Variants in DYNC2H1 observed in about 807,000 individuals in gnomAD.
The protein encoded by DYNC2H1 is cytoplasmic dynein 2 heavy chain 1.
Under a neutral mutation model 570.0 loss-of-function variants are expected in DYNC2H1, and 410 were observed. That is an observed-to-expected ratio of 0.72 (90% CI 0.66 to 0.78). DYNC2H1 has a LOEUF of 0.78. Ranked by LOEUF, DYNC2H1 falls within the 30% of genes least tolerant of loss-of-function variation. The probability of loss-of-function intolerance (pLI) is 0.00; values close to 1 mark genes in which losing one functional copy is unlikely to be tolerated. For missense variants in DYNC2H1, 4,865 were observed against 5,046.4 expected (o/e 0.96, Z 1.09); for synonymous variants, 1,688 against 1,677.6 (o/e 1.01, Z -0.15).
Position 103,153,516 on chromosome 11 carries a change from T to C in DYNC2H1, c.3302+8T>C, listed in dbSNP as rs1323313336. On this transcript the variant is annotated splice_region_variant and intron_variant, in intron 22 of 88. Coordinates refer to ENST00000375735, the MANE Select transcript of DYNC2H1 (RefSeq NM_001377.3). Reference sequence around the variant, plus strand: ...CACAAGAAAAAAGCTGGTGTATGTTTTTTCTTTAAAATTGATAGTGCTTAT... The same window carrying C: ...CACAAGAAAAAAGCTGGTGTATGTTCTTTCTTTAAAATTGATAGTGCTTAT... The C allele has an allele frequency of 6.5e-7, 1 of 1,547,608 alleles. No individual in the cohort carries two copies. The highest frequency in any genetic ancestry group is 8.7e-7 in the Non-Finnish European group (1 of 1,150,034).
chr11:103,261,064 T>C lies in DYNC2H1; in HGVS notation c.10695+1087T>C, dbSNP rs942296372. Reference sequence around the variant, plus strand: ...GCTTCTTAGAAAGTGTTGAAAAATATACAGTTAATGTATTTTTAGAACAGG... The same window carrying C: ...GCTTCTTAGAAAGTGTTGAAAAATACACAGTTAATGTATTTTTAGAACAGG... On this transcript the variant is annotated intron_variant, in intron 70 of 88. Transcript: ENST00000375735. The surrounding 1 kb of genome is among the most constrained non-coding windows in gnomAD (Gnocchi z 4.8). Among the ~76,000 whole-genome samples, 2 of 152,182 alleles carry C rather than the reference T, an allele frequency of 1.3e-5. No homozygotes were observed. The highest frequency in any genetic ancestry group is 2.4e-5 in the African/African-American group (1 of 41,428).
chr11:103,277,257 C>T lies in DYNC2H1; in HGVS notation c.10696-3091C>T, dbSNP rs760345490. 3.9e-5 allele frequency among the ~76,000 whole-genome samples: 6 copies of T among 151,976 alleles called. No individual in the cohort carries two copies. Among genetic ancestry groups the T allele is most frequent in the African/African-American group, 1.4e-4 (6 of 41,402 alleles). On this transcript the variant is annotated intron_variant, in intron 70 of 88. Coordinates refer to ENST00000375735, the MANE Select transcript of DYNC2H1 (RefSeq NM_001377.3). The surrounding 1 kb of genome is among the most constrained non-coding windows in gnomAD (Gnocchi z 4.3). Reference sequence around the variant, plus strand: ...TACAAAGTGTGTGTTCAAATTTTATCATGTATGGCTTTTTGTATTCAATTT... The same window carrying T: ...TACAAAGTGTGTGTTCAAATTTTATTATGTATGGCTTTTTGTATTCAATTT...
intron 83 of DYNC2H1, among the ~76,000 whole-genome samples, chr11:103,391,761 G>C (rs529552009): frequency 6.6e-6 from 1 of 152,178 alleles, no homozygotes; most frequent in East Asian, 1.9e-4. Flanking sequence ...CTGGAGGTCC[G>C]CTCCAGACCC....
At chr11:103,313,890 G>A (rs1320055335) in intron 79 of DYNC2H1, among the ~76,000 whole-genome samples, 1 of 152,078 alleles carries the variant, frequency 6.6e-6, no homozygotes, top group African/African-American at 2.4e-5. Flanking sequence ...CTTGCTCAAA[G>A]AATCACACCT....
At chr11:103,231,074 A>C (rs1056536080) in intron 59 of DYNC2H1, among the ~76,000 whole-genome samples, 186 bp from the exon 60 acceptor site, 28 of 152,176 alleles carry the variant, frequency 1.8e-4, no homozygotes, top group Admixed American at 2.6e-4. Context: ...GAAGTGGTAT[A>C]GTTGGGTCAG....
At chr11:103,410,721 C>T (rs1322567060) in intron 84 of DYNC2H1, among the ~76,000 whole-genome samples, 46 of 152,106 alleles carry the variant, frequency 3.0e-4, no homozygotes, top group Non-Finnish European at 1.0e-4. Context: ...TTTTTTACAA[C>T]TTAAATGGAG....
intron 75 of DYNC2H1, among the ~76,000 whole-genome samples, chr11:103,295,361 T>C (rs1308164235): frequency 6.6e-6 from 1 of 152,148 alleles, no homozygotes; most frequent in African/African-American, 2.4e-5. Flanking sequence ...TGACTTATCC[T>C]AGAAGCAGCA....
chr11:103,192,936 G>A (rs1302602692), intron 47 of DYNC2H1, among the ~76,000 whole-genome samples: 1 of 152,092 alleles, frequency 6.6e-6, no homozygotes, highest in Non-Finnish European at 1.5e-5. Context: ...ATAAAGCTAG[G>A]CTTCAAAAAT....
rs1034770075 is a variant in DYNC2H1 at position 103,189,459 on chromosome 11, T to A, written c.7293-213T>A. 6.6e-6 allele frequency among the ~76,000 whole-genome samples: 1 copy of A among 152,138 alleles called. No individual in the cohort carries two copies. The highest frequency in any genetic ancestry group is 6.6e-5 in the Admixed American group (1 of 15,246). ...TTTCTTGGGGTTCTCTAACACCTTC[T>A]GGTATTTGACAATAGATATTTCGGG... On this transcript the variant is annotated intron_variant, in intron 44 of 88. Transcript: ENST00000375735. This position sits in a 1 kb window ranked among gnomAD's most constrained non-coding sequence, Gnocchi z 4.3.
At chr11:103,463,445 A>G (rs1945089256) in intron 87 of DYNC2H1, among the ~76,000 whole-genome samples, 1 of 152,186 alleles carries the variant, frequency 6.6e-6, no homozygotes, top group South Asian at 2.1e-4. Flanking sequence ...CCCAATAAAA[A>G]GAGACTGAAT....
Position 103,122,826 on chromosome 11 carries a change from T to A in DYNC2H1, c.1487T>A (p.Val496Glu). The change falls in exon 11 of 89, where the codon GTA becomes GAA. Residue 496 changes from valine to glutamate, a missense_variant and splice_region_variant. Val to Glu is a moderately radical substitution (Grantham distance 121). This residue lies in a region of DYNC2H1 where 1,936 missense variants were observed against 1,962.1 expected (regional missense o/e 0.99). Coordinates refer to ENST00000375735, the MANE Select transcript of DYNC2H1 (RefSeq NM_001377.3). ...ATGTCTGTAATTTGGCTTTTTAAGG[T>A]AGATGATACTATCAAGATTGCAGAG... Reference protein sequence around the residue: ...IVWVRQLELKVDDTIKIAEAL... With the variant: ...IVWVRQLELKEDDTIKIAEAL... The A allele has an allele frequency of 6.2e-7, 1 of 1,611,520 alleles. No homozygotes were observed. Among genetic ancestry groups the A allele is most frequent in the Non-Finnish European group, 8.5e-7 (1 of 1,178,692 alleles).
intron 1 of DYNC2H1, among the ~76,000 whole-genome samples, chr11:103,112,775 G>GA (rs1858175575): frequency 6.6e-6 from 1 of 152,040 alleles, no homozygotes; most frequent in African/African-American, 2.4e-5. Flanking sequence ...TTCTTTTCCT[G>GA]AAAAAAGAAA....
Position 103,239,396 on chromosome 11 carries a change from C to T in DYNC2H1, c.9819+2857C>T, listed in dbSNP as rs182522748. 1.5e-4 allele frequency among the ~76,000 whole-genome samples: 23 copies of T among 152,124 alleles called. No individual in the cohort carries two copies. Among genetic ancestry groups the T allele is most frequent in the Admixed American group, 7.2e-4 (11 of 15,260 alleles). ...AAGTAATAACAATAATCAATACTTG[C>T]GTATTACTTACCATGTTGTGCATAT... On this transcript the variant is annotated intron_variant, in intron 63 of 88. Coordinates refer to ENST00000375735, the MANE Select transcript of DYNC2H1 (RefSeq NM_001377.3). The surrounding 1 kb of genome is among the most constrained non-coding windows in gnomAD (Gnocchi z 4.3).
At chr11:103,362,056 C>A (rs1250033862) in intron 83 of DYNC2H1, among the ~76,000 whole-genome samples, 1 of 151,936 alleles carries the variant, frequency 6.6e-6, no homozygotes, top group Non-Finnish European at 1.5e-5. Context: ...CTAGACAATT[C>A]TTTTTTAAAA....
In DYNC2H1 at chr11:103,363,963, G is replaced by A. The variant is rs1206469069; in HGVS notation, c.12156+5604G>A. Among the ~76,000 whole-genome samples the A allele has an allele frequency of 6.6e-6, 1 of 151,972 alleles. No homozygotes were observed. The highest frequency in any genetic ancestry group is 2.4e-5 in the African/African-American group (1 of 41,376). ...TGTAATAGGAGTCTTTTTTCCATAT[G>A]AGGACCTTGAAGCTCCATAAGGCAA... On this transcript the variant is annotated intron_variant, in intron 83 of 88. Transcript: ENST00000375735. This position sits in a 1 kb window ranked among gnomAD's most constrained non-coding sequence, Gnocchi z 5.6.
chr11:103,170,069 A>G lies in DYNC2H1; in HGVS notation c.4969-39A>G. On this transcript the variant is annotated intron_variant, in intron 32 of 88. Coordinates refer to ENST00000375735, the MANE Select transcript of DYNC2H1 (RefSeq NM_001377.3). The surrounding 1 kb of genome is among the most constrained non-coding windows in gnomAD (Gnocchi z 4.8). ...GTAAAAATATTTGTAAATGTTGAAT[A>G]GAACATGAATACTCTGACTTTGTGT... The G allele has an allele frequency of 6.7e-7, 1 of 1,486,008 alleles. No homozygotes were observed. The highest frequency in any genetic ancestry group is 9.0e-7 in the Non-Finnish European group (1 of 1,105,178). The allele number at this position is 1,486,008 out of a possible 1,614,324, so 92.1% of individuals were successfully genotyped here.
chr11:103,188,361 CA>C lies in DYNC2H1; in HGVS notation c.7141-135del. 3 of 575,742 alleles carry C rather than the reference CA, an allele frequency of 5.2e-6. No homozygotes were observed. In the South Asian group the frequency reaches 9.6e-5, roughly 18 times the overall value. The allele number at this position is 575,742 out of a possible 1,614,324, so 35.7% of individuals were successfully genotyped here. A position where few individuals can be genotyped will look rare whatever the true frequency, so the allele number is the denominator to read the frequency against. On this transcript the variant is annotated intron_variant, in intron 43 of 88. Coordinates refer to ENST00000375735, the MANE Select transcript of DYNC2H1 (RefSeq NM_001377.3). ...TCAGTGATATAATAATTTAAGATAC[CA>C]TTTAATCTAAAATTCTTGAGTTAGA... is the stretch of plus-strand genomic sequence containing the variant.
At chr11:103,210,954 A>G (rs562216787) in intron 53 of DYNC2H1, among the ~76,000 whole-genome samples, 1 of 152,200 alleles carries the variant, frequency 6.6e-6, no homozygotes, top group Non-Finnish European at 1.5e-5. Context: ...CATTTTAGAA[A>G]CAAATATCTT....
chr11:103,270,412 T>A (rs1446859852), intron 70 of DYNC2H1, among the ~76,000 whole-genome samples: 1 of 152,050 alleles, frequency 6.6e-6, no homozygotes, highest in Non-Finnish European at 1.5e-5. Context: ...CAGATATATA[T>A]CAGTGATAAA....
Sources: gnomAD v4.1 joint callset for allele counts (sites outside exome capture counted in the v4.1 genomes callset) on GRCh38, gnomAD v4.1.1 for gene constraint, gnomAD v4.1.1 regional missense constraint, Gnocchi (gnomAD v3.1) non-coding constraint, MANE v1.5 for transcripts, NCBI Gene and HGNC (gene_info 2026-07-23, HGNC 2026-07-21) for gene names.